The following UNC5C variants were observed in gnomAD, a reference collection of about 807,000 sequenced individuals.
UNC5C encodes the protein netrin receptor UNC5C.
A neutral mutation model predicts 99.8 loss-of-function variants in UNC5C; 47 were observed. The ratio of observed to expected loss-of-function variants is 0.47; its 90% CI spans 0.37 to 0.60. The LOEUF (loss-of-function observed/expected upper bound fraction) is 0.60. Among genes scored for constraint, UNC5C ranks in the 20% least tolerant of loss-of-function variants. UNC5C has a pLI of 0.00. For missense variants in UNC5C, 1,062 were observed against 1,165.9 expected, an observed-to-expected ratio of 0.91 and a Z score of 1.30; for synonymous variants, 487 against 452.2, an observed-to-expected ratio of 1.08 and a Z score of -0.98.
rs964317461 is a variant in UNC5C, at chr4:95,166,545, A to G, written c.*2689T>C. On this transcript the variant is annotated 3_prime_UTR_variant, in exon 16 of 16. Transcript: ENST00000453304. ...GACAAACAATTCCTGTTTGTGTTCA[A>G]TAGTTCTGTGTTGGTGACTTTTTAG... 2.6e-5 allele frequency: 4 copies of G among 152,186 alleles called. No homozygotes were observed. Among genetic ancestry groups the G allele is most frequent in the Admixed American group, 6.5e-5 (1 of 15,272 alleles). The allele number at this position is 152,186 out of a possible 1,614,324, so 9.4% of individuals were successfully genotyped here.
chr4:95,335,268 C>A, intron 2 of UNC5C, 142 bp downstream of exon 2: 2 of 765,706 alleles, frequency 2.6e-6, no homozygotes, highest in Non-Finnish European at 4.1e-6. Context: ...GATCACCAAA[C>A]CTTAACCAAA....
At chr4:95,303,643 T>C (rs1204762308) in intron 2 of UNC5C, among the ~76,000 whole-genome samples, 1 of 152,228 alleles carries the variant, frequency 6.6e-6, no homozygotes, top group East Asian at 1.9e-4. Flanking sequence ...ACCACTGCAC[T>C]TCAGCCTGGG....
chr4:95,339,414 T>C (rs760806317), intron 1 of UNC5C, among the ~76,000 whole-genome samples: 20 of 152,052 alleles, frequency 1.3e-4, no homozygotes, highest in Non-Finnish European at 1.5e-4. Context: ...GTAGACTGTT[T>C]ACTGAGATCA....
intron 4 of UNC5C, among the ~76,000 whole-genome samples, chr4:95,254,253 A>G (rs557705307): frequency 4.1e-4 from 63 of 152,312 alleles, no homozygotes; most frequent in Admixed American, 7.8e-4. Flanking sequence ...TTTAATAACC[A>G]CAAAGGTGAC....
intron 6 of UNC5C, among the ~76,000 whole-genome samples, chr4:95,243,655 T>C (rs548932418): frequency 2.8e-4 from 43 of 152,236 alleles, no homozygotes; most frequent in Admixed American, 5.9e-4. Flanking sequence ...GATTTCATAT[T>C]CAAATTATTA....
chr4:95,382,446 G>T (rs1203603880), intron 1 of UNC5C, among the ~76,000 whole-genome samples: 1 of 138,550 alleles, frequency 7.2e-6, no homozygotes, highest in Non-Finnish European at 1.5e-5. Flanking sequence ...GTGACAGAGT[G>T]AGACCGTCTG....
chr4:95,315,663 T>C (rs1024277410), intron 2 of UNC5C, among the ~76,000 whole-genome samples: 1 of 152,166 alleles, frequency 6.6e-6, no homozygotes, highest in Admixed American at 6.6e-5. Context: ...CTATTTAATA[T>C]ATGCAGTTAG....
intron 14 of UNC5C, among the ~76,000 whole-genome samples, chr4:95,176,836 C>G (rs554909408): frequency 1.3e-5 from 2 of 152,234 alleles, no homozygotes; most frequent in African/African-American, 4.8e-5. Flanking sequence ...GGCCCCTCCC[C>G]CAGCCTCGCT....
At chr4:95,197,310 A>C (rs1353182904) in intron 12 of UNC5C, among the ~76,000 whole-genome samples, 1 of 151,706 alleles carries the variant, frequency 6.6e-6, no homozygotes, top group African/African-American at 2.4e-5. Flanking sequence ...CTGGGCTTCT[A>C]TCTCTGCCCT....
intron 1 of UNC5C, among the ~76,000 whole-genome samples, chr4:95,369,381 A>G (rs1478663510): frequency 1.3e-5 from 2 of 151,224 alleles, no homozygotes; most frequent in Admixed American, 6.6e-5. Flanking sequence ...TGAAACCCCA[A>G]CTCTACAAAA....
chr4:95,230,594 T>G (rs891352572), intron 7 of UNC5C, among the ~76,000 whole-genome samples: 2 of 152,158 alleles, frequency 1.3e-5, no homozygotes, highest in African/African-American at 4.8e-5. Context: ...TTTAAGTCTT[T>G]AATCCATCTT....
intron 1 of UNC5C, among the ~76,000 whole-genome samples, chr4:95,369,969 A>G (rs1443633693): frequency 6.6e-6 from 1 of 151,904 alleles, no homozygotes; most frequent in African/African-American, 2.4e-5. Context: ...CTGTTTATTC[A>G]CTGTCCACAA....
intron 1 of UNC5C, among the ~76,000 whole-genome samples, chr4:95,395,471 CTA>C: frequency 6.6e-6 from 1 of 152,244 alleles, no homozygotes; most frequent in East Asian, 1.9e-4. Flanking sequence ...CAGGTTAAAT[CTA>C]TAGAGTTCTC....
In UNC5C at chr4:95,169,179, C is replaced by G. The variant is rs557530818; in HGVS notation, c.*55G>C. 1 of 1,596,986 alleles carries G rather than the reference C, an allele frequency of 6.3e-7. No individual in the cohort carries two copies. Among genetic ancestry groups the G allele is most frequent in the Non-Finnish European group, 8.6e-7 (1 of 1,168,540 alleles). Reference sequence around the variant, plus strand: ...CCTCCTCAGCTGTGATTCACCTGGACGGCCACAGACTCCCTGTGCATTTTT... The same window carrying G: ...CCTCCTCAGCTGTGATTCACCTGGAGGGCCACAGACTCCCTGTGCATTTTT... On this transcript the variant is annotated 3_prime_UTR_variant, in exon 16 of 16. Transcript: ENST00000453304.
intron 1 of UNC5C, among the ~76,000 whole-genome samples, chr4:95,411,976 G>A (rs902589597): frequency 6.7e-6 from 1 of 149,760 alleles, no homozygotes; most frequent in African/African-American, 2.5e-5. Context: ...CCATAATGCT[G>A]TGGAATGTTT....
chr4:95,246,800 C>T (rs1031083138), intron 5 of UNC5C, among the ~76,000 whole-genome samples: 5 of 151,864 alleles, frequency 3.3e-5, no homozygotes, highest in Non-Finnish European at 7.4e-5. Context: ...TGGCTCATGC[C>T]TATAATCCCA....
intron 2 of UNC5C, among the ~76,000 whole-genome samples, chr4:95,325,880 C>T (rs1327519464): frequency 2.6e-5 from 4 of 152,170 alleles, no homozygotes; most frequent in African/African-American, 9.6e-5. Flanking sequence ...ACAGCTGACA[C>T]TCTGAAGCAG....
intron 1 of UNC5C, among the ~76,000 whole-genome samples, chr4:95,526,705 A>G (rs1722505711): frequency 6.6e-6 from 1 of 152,064 alleles, no homozygotes; most frequent in African/African-American, 2.4e-5. Flanking sequence ...AAGTTAAAAA[A>G]AAAGTTGAAT....
At chr4:95,324,042 T>A (rs535941968) in intron 2 of UNC5C, among the ~76,000 whole-genome samples, 6 of 151,720 alleles carry the variant, frequency 4.0e-5, no homozygotes, top group African/African-American at 9.7e-5. Context: ...TCTCAAAAAA[T>A]AAATAAATAA....
Sources: gnomAD v4.1 joint callset for allele counts (sites outside exome capture counted in the v4.1 genomes callset) on GRCh38, gnomAD v4.1.1 for gene constraint, MANE v1.5 for transcripts, NCBI Gene and HGNC (gene_info 2026-07-23, HGNC 2026-07-21) for gene names.